The following SUPT3H variants were observed in gnomAD, a reference collection of about 807,000 sequenced individuals.
SUPT3H encodes the protein SPT3 homolog, SAGA and STAGA complex component.
A neutral mutation model predicts 44.3 loss-of-function variants in SUPT3H; 44 were observed. That is an observed-to-expected ratio of 0.99 (90% CI 0.78 to 1.28). SUPT3H has a LOEUF of 1.28. SUPT3H is among the 50% of genes most tolerant of loss of function. SUPT3H has a pLI of 0.00. For synonymous variants in SUPT3H, 124 were observed against 125.6 expected, an observed-to-expected ratio of 0.99 and a Z score of 0.09; for missense variants, 380 against 387.1, an observed-to-expected ratio of 0.98 and a Z score of 0.15.
intron 10 of SUPT3H, among the ~76,000 whole-genome samples, chr6:44,848,718 T>C (rs1367695752): frequency 6.6e-6 from 1 of 152,228 alleles, no homozygotes; most frequent in African/African-American, 2.4e-5. Context: ...CATTCTCTCA[T>C]GTGAACCTAA....
chr6:45,253,224 C>T (rs1277256089), intron 2 of SUPT3H, among the ~76,000 whole-genome samples: 1 of 151,976 alleles, frequency 6.6e-6, no homozygotes, highest in Non-Finnish European at 1.5e-5. Context: ...TTTCTTATAA[C>T]TCAGTAGGGA....
chr6:45,037,557 G>C (rs182961955), intron 3 of SUPT3H, among the ~76,000 whole-genome samples: 4 of 151,652 alleles, frequency 2.6e-5, no homozygotes, highest in Admixed American at 2.0e-4. Context: ...CCAGCTACTC[G>C]GGAGGCTGAG....
At chr6:45,040,184 C>T (rs1359458545) in intron 3 of SUPT3H, among the ~76,000 whole-genome samples, 3 of 152,138 alleles carry the variant, frequency 2.0e-5, no homozygotes, top group African/African-American at 7.2e-5. Context: ...ATAAACAATA[C>T]ATAAGTGAAT....
intron 10 of SUPT3H, among the ~76,000 whole-genome samples, chr6:44,901,540 C>T (rs370149310): frequency 6.6e-6 from 1 of 151,924 alleles, no homozygotes; most frequent in Non-Finnish European, 1.5e-5. Context: ...ACCAAATCTA[C>T]GTCTGATTGG....
At chr6:45,088,728 T>C (rs941829915) in intron 3 of SUPT3H, among the ~76,000 whole-genome samples, 1 of 152,014 alleles carries the variant, frequency 6.6e-6, no homozygotes, top group Non-Finnish European at 1.5e-5. Context: ...CAAATGAGAA[T>C]ATACCAAGTT....
intron 10 of SUPT3H, among the ~76,000 whole-genome samples, chr6:44,882,622 T>G (rs1037905465): frequency 2.0e-5 from 3 of 152,162 alleles, no homozygotes; most frequent in African/African-American, 7.2e-5. Flanking sequence ...TGAACATCAA[T>G]GCAAAAATCC....
chr6:44,958,811 T>C lies in SUPT3H; in HGVS notation c.580+2942A>G, dbSNP rs114116338. On this transcript the variant is annotated intron_variant, in intron 7 of 10. Transcript: ENST00000371459. ...AAAAAAATGGGTGTTTTTAAGCTTG[T>C]ACAGAGCTGTAGGAAAAAATGACAT... 2.5e-3 allele frequency among the ~76,000 whole-genome samples: 376 copies of C among 149,660 alleles called. 2 individuals are homozygous for C. Among genetic ancestry groups the C allele is most frequent in the African/African-American group, 8.3e-3 (339 of 40,850 alleles).
chr6:44,838,255 TATTC>T, intron 10 of SUPT3H, among the ~76,000 whole-genome samples: 2 of 152,334 alleles, frequency 1.3e-5, no homozygotes, highest in Middle Eastern at 6.8e-3. Context: ...TCATTTTACT[TATTC>T]ATTCAAAAAA....
intron 3 of SUPT3H, among the ~76,000 whole-genome samples, chr6:45,036,680 C>T (rs1787720838): frequency 1.3e-5 from 2 of 152,122 alleles, no homozygotes; most frequent in African/African-American, 4.8e-5. Flanking sequence ...CACAGCCAAA[C>T]TGTCAACAAC....
chr6:44,834,512 A>G (rs982167012), intron 10 of SUPT3H, among the ~76,000 whole-genome samples: 3 of 152,192 alleles, frequency 2.0e-5, no homozygotes, highest in Non-Finnish European at 4.4e-5. Flanking sequence ...GAATTTGGAA[A>G]CTAAGCCTGC....
chr6:44,829,853 G>A lies in SUPT3H; in HGVS notation c.917C>T (p.Ala306Val), dbSNP rs866637425. The A allele has an allele frequency of 6.2e-7, 1 of 1,613,070 alleles. No individual in the cohort carries two copies. Among genetic ancestry groups the A allele is most frequent in the Non-Finnish European group, 8.5e-7 (1 of 1,179,168 alleles). Residue 306 changes from alanine to valine, a missense_variant, in exon 11 of 11, where the codon GCC becomes GTC. Ala to Val is a moderately conservative substitution (Grantham distance 64). Coordinates refer to ENST00000371459, the MANE Select transcript of SUPT3H (RefSeq NM_003599.4). Reference sequence around the variant, plus strand: ...AAAAGCCATCCCATTCCTGCGGTAGGCATTCTGTCAAAGAAAAAGAAATCT... The same window carrying A: ...AAAAGCCATCCCATTCCTGCGGTAGACATTCTGTCAAAGAAAAAGAAATCT... ...RIGPLSPFTN[A>V]YRRNGMAFLA...
chr6:45,163,167 A>G (rs1352365883), intron 2 of SUPT3H, among the ~76,000 whole-genome samples: 2 of 152,230 alleles, frequency 1.3e-5, no homozygotes, highest in East Asian at 1.9e-4. Context: ...TGAACTGCAG[A>G]TAACTGGAAA....
At chr6:45,021,883 T>C (rs1785186039) in intron 3 of SUPT3H, among the ~76,000 whole-genome samples, 1 of 151,992 alleles carries the variant, frequency 6.6e-6, no homozygotes, top group African/African-American at 2.4e-5. Context: ...CTATCCTATC[T>C]AAATATAGAA....
At chr6:44,852,748 T>C (rs1773092908) in intron 10 of SUPT3H, among the ~76,000 whole-genome samples, 4 of 152,248 alleles carry the variant, frequency 2.6e-5, no homozygotes, top group Admixed American at 2.6e-4. Context: ...AAAACTCCTA[T>C]CAGCATACAA....
intron 9 of SUPT3H, among the ~76,000 whole-genome samples, chr6:44,939,221 T>C (rs1771991473): frequency 6.6e-6 from 1 of 152,174 alleles, no homozygotes; most frequent in Non-Finnish European, 1.5e-5. Context: ...ATATGGCCTT[T>C]ACTACTGTGA....
chr6:45,328,314 A>T, intron 2 of SUPT3H: 1 of 1,369,638 alleles, frequency 7.3e-7, no homozygotes. Context: ...GCTTTTTTGG[A>T]TTGTGTGAAT....
intron 2 of SUPT3H, among the ~76,000 whole-genome samples, chr6:45,302,453 G>C (rs1356839751): frequency 7.6e-6 from 1 of 132,422 alleles, no homozygotes; most frequent in African/African-American, 2.7e-5. Flanking sequence ...TGGCTGAGTA[G>C]TATTCCATAT....
In SUPT3H at chr6:44,953,290, C is replaced by T. The variant is rs1422654466; in HGVS notation, c.801+20G>A. ...GTCAAAATTCACAAATGTTTTAAGA[C>T]AGATTTTTTTTGTACTTACCTCAGC... On this transcript the variant is annotated intron_variant, in intron 9 of 10. Transcript: ENST00000371459. 1 of 1,597,600 alleles carries T rather than the reference C, an allele frequency of 6.3e-7. No homozygotes were observed. The highest frequency in any genetic ancestry group is 8.6e-7 in the Non-Finnish European group (1 of 1,165,890).
chr6:45,282,434 C>A (rs1465548821), intron 2 of SUPT3H, among the ~76,000 whole-genome samples: 1 of 152,004 alleles, frequency 6.6e-6, no homozygotes, highest in Non-Finnish European at 1.5e-5. Flanking sequence ...AACTACGTGA[C>A]AAATGCACAA....
Sources: gnomAD v4.1 joint callset for allele counts (sites outside exome capture counted in the v4.1 genomes callset) on GRCh38, gnomAD v4.1.1 for gene constraint, MANE v1.5 for transcripts, NCBI Gene and HGNC (gene_info 2026-07-23, HGNC 2026-07-21) for gene names.